The following USP34 variants were observed in gnomAD, a reference collection of about 807,000 sequenced individuals.
USP34 encodes ubiquitin specific peptidase 34.
USP34 carries 70 observed loss-of-function variants against 460.3 expected under a neutral mutation model. The observed-to-expected ratio is 0.15, with a 90% CI of 0.13 to 0.19. USP34 has a LOEUF of 0.19. USP34 is among the 10% of genes least tolerant of loss of function. The pLI, the probability that USP34 is intolerant of heterozygous loss-of-function variation, is 1.00. For synonymous variants in USP34, 1,647 were observed against 1,405.3 expected (o/e 1.17, Z -3.85); for missense variants, 3,985 against 4,236.2 (o/e 0.94, Z 1.65).
Position 61,223,147 on chromosome 2 carries a change from A to T in USP34, c.7662T>A (p.Phe2554Leu). Residue 2554 changes from phenylalanine to leucine, a missense_variant, in exon 64 of 80, where the codon TTT becomes TTA. Phe to Leu is a conservative substitution (Grantham distance 22). This residue lies in a region of USP34 where 604 missense variants were observed against 684.8 expected (regional missense o/e 0.88). Coordinates refer to ENST00000398571, the MANE Select transcript of USP34 (RefSeq NM_014709.4). The stretch of plus-strand genomic sequence containing the variant: ...TATTGATGCCATCACGAATATGTTG[A>T]AACAAGAAGGGAAATCCCTGTCAAA... ...LTGGKGFPFL[F>L]QHIRDGINIR... The T allele has an allele frequency of 6.2e-7, 1 of 1,613,962 alleles. No individual in the cohort carries two copies. The highest frequency in any genetic ancestry group is 8.5e-7 in the Non-Finnish European group (1 of 1,179,874).
chr2:61,236,889 C>T (rs1688084885), intron 53 of USP34, among the ~76,000 whole-genome samples: 1 of 152,168 alleles, frequency 6.6e-6, no homozygotes, highest in Non-Finnish European at 1.5e-5. Context: ...ATATGACTTA[C>T]ATTTTTGTCA....
chr2:61,381,180 A>G (rs1294295194), intron 6 of USP34, among the ~76,000 whole-genome samples: 1 of 151,462 alleles, frequency 6.6e-6, no homozygotes, highest in East Asian at 1.9e-4. Flanking sequence ...CCCCCTCTGC[A>G]AGAAACACCC....
At chr2:61,193,735 T>C (rs1304171364) in intron 75 of USP34, among the ~76,000 whole-genome samples, 1 of 152,146 alleles carries the variant, frequency 6.6e-6, no homozygotes, top group Non-Finnish European at 1.5e-5. Context: ...AGTATAATCA[T>C]GGAGAAGAAG....
At chr2:61,315,557 T>A (rs1379892300) in intron 23 of USP34, among the ~76,000 whole-genome samples, 4 of 151,954 alleles carry the variant, frequency 2.6e-5, no homozygotes, top group Admixed American at 2.6e-4. Context: ...TGTATTTTAG[T>A]AGAGACAGGG....
chr2:61,256,971 A>G (rs562817300), intron 46 of USP34, 21 bp from the exon 47 acceptor site: 13 of 1,458,494 alleles, frequency 8.9e-6, no homozygotes, highest in Non-Finnish European at 1.2e-5. Context: ...CACATAAAAA[A>G]TTAATAAAAA....
At chr2:61,446,767 G>A (rs1286913955) in intron 1 of USP34, among the ~76,000 whole-genome samples, 1 of 148,492 alleles carries the variant, frequency 6.7e-6, no homozygotes, top group Non-Finnish European at 1.5e-5. Context: ...CTACACTGCA[G>A]CCTGGGCAAC....
At chr2:61,308,829 T>C (rs1013858116) in intron 27 of USP34, among the ~76,000 whole-genome samples, 4 of 152,098 alleles carry the variant, frequency 2.6e-5, no homozygotes, top group African/African-American at 9.7e-5. Context: ...AAGCTTGAGC[T>C]CAAGAGTTTG....
chr2:61,399,817 G>A (rs1201720258), intron 3 of USP34, among the ~76,000 whole-genome samples: 1 of 129,972 alleles, frequency 7.7e-6, no homozygotes, highest in Admixed American at 9.5e-5. Context: ...AGGTTGCAGT[G>A]AGCCGAGATA....
At chr2:61,377,178 G>C (rs1024491835) in intron 8 of USP34, among the ~76,000 whole-genome samples, 1 of 152,014 alleles carries the variant, frequency 6.6e-6, no homozygotes, top group Non-Finnish European at 1.5e-5. Context: ...TTAGCCTGAA[G>C]GGAAAAAAGA....
At chr2:61,281,924 T>C (rs111594151) in intron 37 of USP34, among the ~76,000 whole-genome samples, 111 of 152,340 alleles carry the variant, frequency 7.3e-4, no homozygotes, top group Non-Finnish European at 1.4e-3. Context: ...ACTGTCCAAA[T>C]GTCAAAATGG....
At chr2:61,467,626 T>G (rs553792883) in intron 1 of USP34, among the ~76,000 whole-genome samples, 1 of 144,800 alleles carries the variant, frequency 6.9e-6, no homozygotes, top group South Asian at 2.3e-4. Context: ...TGTTTTTTTT[T>G]TTTTTTTTTT....
In USP34 at chr2:61,187,802, T is replaced by C; in HGVS notation, c.*300A>G. ...AATGCTGTAAGTTTAAATTACATTG[T>C]ACAGGGCTAGGCAACCCTGTTCTTC... On this transcript the variant is annotated 3_prime_UTR_variant, in exon 80 of 80. Coordinates refer to ENST00000398571, the MANE Select transcript of USP34 (RefSeq NM_014709.4). The C allele has an allele frequency of 1.1e-6, 1 of 902,786 alleles. No homozygotes were observed. 55.9% of individuals were successfully genotyped at this position (902,786 alleles called of 1,614,324 possible). A position where few individuals can be genotyped will look rare whatever the true frequency, so the allele number is the denominator to read the frequency against.
At chr2:61,240,008 C>T (rs1395084597) in intron 53 of USP34, among the ~76,000 whole-genome samples, 2 of 68,110 alleles carry the variant, frequency 2.9e-5, no homozygotes, top group African/African-American at 1.7e-4. Context: ...GAGACTCCTT[C>T]TCAAAAAAAA....
chr2:61,452,676 G>A (rs1009898977), intron 1 of USP34, among the ~76,000 whole-genome samples: 3 of 151,390 alleles, frequency 2.0e-5, no homozygotes, highest in Admixed American at 6.6e-5. Flanking sequence ...TTGAAACCAG[G>A]AGTTCGAGAC....
chr2:61,302,590 TACA>T (rs1690263483), intron 27 of USP34, among the ~76,000 whole-genome samples: 2 of 152,224 alleles, frequency 1.3e-5, no homozygotes, highest in Non-Finnish European at 2.9e-5. Context: ...TTAACACAGA[TACA>T]ACATTTTAAA....
intron 1 of USP34, among the ~76,000 whole-genome samples, chr2:61,428,870 A>G (rs985894985): frequency 6.6e-5 from 10 of 152,212 alleles, no homozygotes; most frequent in Admixed American, 1.3e-4. Flanking sequence ...ACCAACAGAG[A>G]TATCAATGGC....
chr2:61,443,820 T>C (rs1460089440), intron 1 of USP34, among the ~76,000 whole-genome samples: 3 of 152,212 alleles, frequency 2.0e-5, no homozygotes, highest in African/African-American at 7.2e-5. Context: ...GTCATAATGA[T>C]ATGTTAACGT....
At chr2:61,240,007 T>A (rs1258876600) in intron 53 of USP34, among the ~76,000 whole-genome samples, 2 of 78,436 alleles carry the variant, frequency 2.5e-5, no homozygotes, top group African/African-American at 1.4e-4. Context: ...CGAGACTCCT[T>A]CTCAAAAAAA....
rs1441523010 is a variant in USP34 at position 61,214,684 on chromosome 2, A to G, written c.8058T>C (p.Tyr2686=). The change falls in exon 68 of 80, where the codon TAT becomes TAC. Residue 2686 remains tyrosine, a synonymous_variant. Coordinates refer to ENST00000398571, the MANE Select transcript of USP34 (RefSeq NM_014709.4). ...NYPRVRTSAA[Y]LLVSLIPSNS... ...TGCTTGGTATAAGGGACACCAGAAGATAAGCTGCAGCTATAAAATGTAAAA... is the reference window on the plus strand; with the variant it reads ...TGCTTGGTATAAGGGACACCAGAAGGTAAGCTGCAGCTATAAAATGTAAAA... 1.9e-6 allele frequency: 3 copies of G among 1,613,780 alleles called. No individual in the cohort carries two copies. Among genetic ancestry groups the G allele is most frequent in the Non-Finnish European group, 2.5e-6 (3 of 1,179,868 alleles).
Sources: allele counts gnomAD v4.1 joint callset (sites outside exome capture counted in the v4.1 genomes callset), GRCh38; gene constraint gnomAD v4.1.1; regional missense constraint gnomAD v4.1.1; transcripts MANE v1.5; gene names NCBI Gene and HGNC (gene_info 2026-07-23, HGNC 2026-07-21).